The following FGF14 variants were observed in gnomAD, a reference collection of about 807,000 sequenced individuals.
FGF14 encodes fibroblast growth factor 14, also known as fibroblast growth factor homologous factor 4.
A neutral mutation model predicts 25.5 loss-of-function variants in FGF14; 5 were observed. The observed-to-expected ratio is 0.20, with a 90% CI of 0.10 to 0.41. The LOEUF is 0.41. Among genes scored for constraint, FGF14 ranks in the 10% least tolerant of loss-of-function variants. The pLI is 1.00. For synonymous variants in FGF14, 138 were observed against 118.3 expected (o/e 1.17, Z -1.08); for missense variants, 222 against 320.1 (o/e 0.69, Z 2.34).
intron 1 of FGF14, among the ~76,000 whole-genome samples, chr13:102,103,737 G>C (rs1267434143): frequency 2.0e-5 from 3 of 152,126 alleles, no homozygotes; most frequent in African/African-American, 7.2e-5. Flanking sequence ...CTTTACCTGA[G>C]CAGGTTTTAT....
At chr13:102,204,459 A>C (rs1156424969) in intron 1 of FGF14, among the ~76,000 whole-genome samples, 1 of 152,238 alleles carries the variant, frequency 6.6e-6, no homozygotes, top group Non-Finnish European at 1.5e-5. Context: ...ACAGCAGGGC[A>C]GAGTGAGTTG....
chr13:102,073,498 G>A (rs985802322), intron 1 of FGF14, among the ~76,000 whole-genome samples: 11 of 152,156 alleles, frequency 7.2e-5, no homozygotes, highest in Non-Finnish European at 1.5e-4. Context: ...CAACATTTAT[G>A]TATAATTGGG....
At chr13:102,364,714 CT>C (rs1281727665) in intron 1 of FGF14, among the ~76,000 whole-genome samples, 2 of 152,156 alleles carry the variant, frequency 1.3e-5, no homozygotes, top group Non-Finnish European at 2.9e-5. Flanking sequence ...GGCATCCACC[CT>C]TCACTGGAAC....
intron 1 of FGF14, among the ~76,000 whole-genome samples, chr13:101,987,234 G>C (rs764419470): frequency 6.6e-6 from 1 of 151,834 alleles, no homozygotes; most frequent in Non-Finnish European, 1.5e-5. Context: ...AGGAAAAAAA[G>C]GTCATGTTCT....
At chr13:102,283,788 C>G (rs2053962218) in intron 1 of FGF14, among the ~76,000 whole-genome samples, 1 of 152,136 alleles carries the variant, frequency 6.6e-6, no homozygotes, top group South Asian at 2.1e-4. Context: ...CTCCCTAATC[C>G]TTAAATTCAG....
chr13:102,201,728 T>C (rs1466005261), intron 1 of FGF14, among the ~76,000 whole-genome samples: 2 of 152,204 alleles, frequency 1.3e-5, no homozygotes, highest in Non-Finnish European at 2.9e-5. Context: ...GGCACTGTTG[T>C]GATCCTGAAG....
rs555103293 is a variant in FGF14, at chr13:101,864,377, A to ACCGT, written c.408+4344_408+4347dup. ...ACCATCACCTTGGTCTAACGTTATC[A>ACCGT]CCGTCTCCCCCAGATACCATTGCAG... On this transcript the variant is annotated intron_variant, in intron 3 of 4. Coordinates refer to ENST00000376143, the MANE Select transcript of FGF14 (RefSeq NM_004115.4). 4.7e-4 allele frequency among the ~76,000 whole-genome samples: 71 copies of ACCGT among 152,282 alleles called. No individual in the cohort carries two copies. The South Asian group carries it at 8.1e-3, about 17-fold the overall frequency.
At chr13:102,043,924 A>T (rs1949471028) in intron 1 of FGF14, among the ~76,000 whole-genome samples, 1 of 152,188 alleles carries the variant, frequency 6.6e-6, no homozygotes, top group Non-Finnish European at 1.5e-5. Flanking sequence ...CCATCCTTGT[A>T]CAAGTGCAGC....
chr13:102,248,363 T>A (rs186177052), intron 1 of FGF14, among the ~76,000 whole-genome samples: 1 of 152,308 alleles, frequency 6.6e-6, no homozygotes, highest in Admixed American at 6.5e-5. Context: ...TATTAATGTA[T>A]ACTTCTTTAC....
chr13:102,082,930 C>G (rs1469062405), intron 1 of FGF14, among the ~76,000 whole-genome samples: 1 of 151,978 alleles, frequency 6.6e-6, no homozygotes, highest in Non-Finnish European at 1.5e-5. Context: ...TGCACTCCAG[C>G]CTGGGAGACA....
intron 1 of FGF14, among the ~76,000 whole-genome samples, chr13:101,994,693 A>C (rs571567894): frequency 2.0e-5 from 3 of 152,236 alleles, no homozygotes; most frequent in Admixed American, 2.0e-4. Flanking sequence ...TTCAGGAAAT[A>C]AAATTAGTAG....
intron 1 of FGF14, among the ~76,000 whole-genome samples, chr13:102,103,463 CCT>C (rs1237163989): frequency 2.8e-5 from 1 of 35,146 alleles, no homozygotes; most frequent in Non-Finnish European, 4.8e-5. Context: ...GAACTGAGCC[CCT>C]GATTTTTTTT....
intron 1 of FGF14, among the ~76,000 whole-genome samples, chr13:102,234,008 G>C (rs192243889): frequency 2.4e-4 from 36 of 152,312 alleles, no homozygotes; most frequent in Non-Finnish European, 3.8e-4. Flanking sequence ...CAAAATCAGA[G>C]ACAGAAAGTA....
chr13:102,396,092 C>T (rs1292015318), intron 1 of FGF14, among the ~76,000 whole-genome samples: 1 of 152,134 alleles, frequency 6.6e-6, no homozygotes, highest in Non-Finnish European at 1.5e-5. Context: ...TACCCGGGTT[C>T]AACACATAAC....
rs538934173 is a variant in FGF14 at position 101,915,590 on chromosome 13, T to A, written c.193+863A>T. ...AAAAGCGCCTGGCTCCTGAATAGGA[T>A]GCCTTCTCAGACCCTGGCATTTCAA... On this transcript the variant is annotated intron_variant, in intron 1 of 4. Coordinates refer to ENST00000376143, the MANE Select transcript of FGF14 (RefSeq NM_004115.4). Among the ~76,000 whole-genome samples the A allele has an allele frequency of 4.7e-3, 704 of 150,066 alleles. 5 individuals carry two copies. Among genetic ancestry groups the A allele is most frequent in the Middle Eastern group, 0.034 (10 of 292 alleles).
chr13:101,923,568 A>G (rs2034156294), intron 1 of FGF14, among the ~76,000 whole-genome samples: 1 of 152,112 alleles, frequency 6.6e-6, no homozygotes, highest in Non-Finnish European at 1.5e-5. Flanking sequence ...TTACAGTTTA[A>G]GTTCAAGATC....
intron 1 of FGF14, among the ~76,000 whole-genome samples, chr13:102,197,935 T>C (rs537268237): frequency 6.6e-6 from 1 of 152,336 alleles, no homozygotes; most frequent in East Asian, 1.9e-4. Context: ...GCAACCAATA[T>C]TGTGAAACAT....
intron 1 of FGF14, among the ~76,000 whole-genome samples, chr13:102,122,471 T>G (rs1234415457): frequency 6.6e-6 from 1 of 152,176 alleles, no homozygotes; most frequent in Non-Finnish European, 1.5e-5. Flanking sequence ...ATAGATATTA[T>G]GACAGCGGGA....
At chr13:101,941,890 G>A (rs1008469876) in intron 1 of FGF14, among the ~76,000 whole-genome samples, 1 of 151,998 alleles carries the variant, frequency 6.6e-6, no homozygotes, top group Non-Finnish European at 1.5e-5. Context: ...GTTGCATCAT[G>A]GTAATCATTT....
Sources: allele counts gnomAD v4.1 joint callset (sites outside exome capture counted in the v4.1 genomes callset), GRCh38; gene constraint gnomAD v4.1.1; transcripts MANE v1.5; gene names NCBI Gene and HGNC (gene_info 2026-07-23, HGNC 2026-07-21).